Variants in SARDH observed in about 807,000 individuals in gnomAD.
The protein encoded by SARDH is sarcosine dehydrogenase.
In SARDH, 95 loss-of-function variants were observed where a neutral mutation model predicts 109.1. The observed-to-expected ratio is 0.87, with a 90% CI of 0.74 to 1.03. The LOEUF (loss-of-function observed/expected upper bound fraction) is 1.03, where lower values mean the gene tolerates loss of function less well. SARDH is among the 50% of genes least tolerant of loss of function. The probability of loss-of-function intolerance (pLI) is 0.00; values close to 1 mark genes in which losing one functional copy is unlikely to be tolerated. For missense variants in SARDH, 1,267 were observed against 1,287.8 expected (o/e 0.98, Z 0.25); for synonymous variants, 572 against 534.8 (o/e 1.07, Z -0.96).
At chr9:133,685,344 G>A in intron 16 of SARDH, 58 bp from the exon 17 acceptor site, 1 of 1,476,448 alleles carries the variant, frequency 6.8e-7, no homozygotes, top group Non-Finnish European at 9.3e-7. Flanking sequence ...GGCCTGGGCA[G>A]GAAAGGCCCC....
At chr9:133,677,124 G>A (rs1206170871) in intron 17 of SARDH, among the ~76,000 whole-genome samples, 3 of 152,168 alleles carry the variant, frequency 2.0e-5, no homozygotes. Flanking sequence ...GGGCAACAGA[G>A]TGAGACTCCA....
In SARDH at chr9:133,693,018, C is replaced by G. The variant is rs1170935962; in HGVS notation, c.1921+1240G>C. 6.6e-6 allele frequency among the ~76,000 whole-genome samples: 1 copy of G among 152,168 alleles called. No individual in the cohort carries two copies. Among genetic ancestry groups the G allele is most frequent in the African/African-American group, 2.4e-5 (1 of 41,436 alleles). On this transcript the variant is annotated intron_variant, in intron 15 of 20. Transcript: ENST00000439388. This position sits in a 1 kb window ranked among gnomAD's most constrained non-coding sequence, Gnocchi z 5.6. Reference sequence around the variant, plus strand: ...AGGCCCAGGAGCCCCTGCCAGCCCCCAGCCCCGAAGACCCGCTGGGCAGTG... The same window carrying G: ...AGGCCCAGGAGCCCCTGCCAGCCCCGAGCCCCGAAGACCCGCTGGGCAGTG...
At chr9:133,708,236 A>G in intron 11 of SARDH, 51 bp downstream of exon 11, 1 of 1,568,254 alleles carries the variant, frequency 6.4e-7, no homozygotes, top group Non-Finnish European at 8.7e-7. Flanking sequence ...TGCCCTGAGG[A>G]CGTCCCAGAC....
chr9:133,661,352 AC>A (rs1272977667), downstream of SARDH, among the ~76,000 whole-genome samples: 79 of 150,848 alleles, frequency 5.2e-4, no homozygotes, highest in East Asian at 5.8e-3. Context: ...AAAAAAAACA[AC>A]AACAACAAAA....
intron 6 of SARDH, chr9:133,725,597 AC>A (rs1376667734): frequency 2.5e-6 from 1 of 396,520 alleles, no homozygotes; most frequent in Admixed American, 2.8e-5. Flanking sequence ...AATTGCTTGA[AC>A]CCGGGAGGCG....
At chr9:133,726,564 G>T (rs372230098) in intron 6 of SARDH, among the ~76,000 whole-genome samples, 1 of 152,010 alleles carries the variant, frequency 6.6e-6, no homozygotes, top group East Asian at 1.9e-4. Flanking sequence ...CCTGCCCCTT[G>T]CACAGATCCT....
chr9:133,668,156 G>A (rs949103897), intron 19 of SARDH, among the ~76,000 whole-genome samples: 12 of 151,820 alleles, frequency 7.9e-5, no homozygotes. Context: ...TCTGCAAGGG[G>A]CCCCCTCTCC....
chr9:133,691,169 AACACACACACACACACACACACAC>A (rs3081171), intron 15 of SARDH, among the ~76,000 whole-genome samples: 45 of 112,192 alleles, frequency 4.0e-4, no homozygotes, highest in Non-Finnish European at 9.2e-5. Context: ...CACCTCCCCC[AACACACACACACACACACACACAC>A]ACACACACAC....
downstream of SARDH, chr9:133,663,474 T>C: frequency 3.9e-6 from 1 of 253,696 alleles, no homozygotes; most frequent in East Asian, 5.8e-5. Context: ...AGACACAGCC[T>C]CATGCTCTTC....
At position 133,691,983 on chromosome 9, in the gene SARDH, G is replaced by A. The variant is rs1261531453; in HGVS notation, c.1922-1456C>T. 2.0e-5 allele frequency among the ~76,000 whole-genome samples: 3 copies of A among 152,242 alleles called. No homozygotes were observed. In the East Asian group the frequency reaches 5.8e-4, roughly 29 times the overall value. On this transcript the variant is annotated intron_variant, in intron 15 of 20. Transcript: ENST00000439388. ...CTCTAGGAATCCACCAGAATCCTCT[G>A]GAAAGCTAATTGTGCACCACTGGGA...
chr9:133,666,717 C>T lies in SARDH; in HGVS notation c.2631+18G>A, dbSNP rs12235666. ...GGGATCGGCATCTGCCTTAGCAGGG[C>T]CAGAGAAGGGGACTCACCGGCCCAC... On this transcript the variant is annotated intron_variant, in intron 20 of 20. Coordinates refer to ENST00000439388, the MANE Select transcript of SARDH (RefSeq NM_001134707.2). This position sits in a 1 kb window ranked among gnomAD's most constrained non-coding sequence, Gnocchi z 5.2. 4 of 1,577,246 alleles carry T rather than the reference C, an allele frequency of 2.5e-6. No individual in the cohort carries two copies. The East Asian group carries it at 9.3e-5, about 37-fold the overall frequency.
rs182442608 is a variant in SARDH, at chr9:133,718,699, T to G, written c.1020+239A>C. On this transcript the variant is annotated intron_variant, in intron 7 of 20. Coordinates refer to ENST00000439388, the MANE Select transcript of SARDH (RefSeq NM_001134707.2). The surrounding 1 kb of genome is among the most constrained non-coding windows in gnomAD (Gnocchi z 4.2). ...GTCATCACTCCACACTGCGCAGACC[T>G]TCTCTGTGGATGTTTTGAGGCAAAG... is the stretch of plus-strand genomic sequence containing the variant. The G allele has an allele frequency of 4.7e-5, 37 of 779,674 alleles. No homozygotes were observed. In the Admixed American group the frequency reaches 5.6e-4, roughly 12 times the overall value. The allele number at this position is 779,674 out of a possible 1,614,324, so 48.3% of individuals were successfully genotyped here. A position where few individuals can be genotyped will look rare whatever the true frequency, so the allele number is the denominator to read the frequency against.
At chr9:133,713,430 C>G (rs1832005387) in intron 8 of SARDH, among the ~76,000 whole-genome samples, 1 of 152,176 alleles carries the variant, frequency 6.6e-6, no homozygotes, top group Non-Finnish European at 1.5e-5. Context: ...CTTCTCTGAC[C>G]CTGGAGACCA....
chr9:133,704,945 C>G lies in SARDH; in HGVS notation c.1554+3G>C, dbSNP rs1021810478. ...GCAGCACAGCCCAGCAGGCACTACTCACCGGAGCTGGGCCTCGGGGATGAA... is the reference window on the plus strand; with the variant it reads ...GCAGCACAGCCCAGCAGGCACTACTGACCGGAGCTGGGCCTCGGGGATGAA... On this transcript the variant is annotated splice_donor_region_variant and intron_variant, in intron 12 of 20. Coordinates refer to ENST00000439388, the MANE Select transcript of SARDH (RefSeq NM_001134707.2). The surrounding 1 kb of genome is among the most constrained non-coding windows in gnomAD (Gnocchi z 4.5). 1 of 1,572,620 alleles carries G rather than the reference C, an allele frequency of 6.4e-7. No individual in the cohort carries two copies. Among genetic ancestry groups the G allele is most frequent in the Non-Finnish European group, 8.6e-7 (1 of 1,159,430 alleles).
intron 12 of SARDH, 90 bp from the exon 13 acceptor site, chr9:133,703,119 G>T: frequency 8.8e-7 from 1 of 1,136,930 alleles, no homozygotes; most frequent in Middle Eastern, 2.3e-4. Flanking sequence ...GCTGTGATGG[G>T]GTCAGGCCTG....
chr9:133,724,538 T>C (rs1588449430), intron 6 of SARDH, among the ~76,000 whole-genome samples: 1 of 152,280 alleles, frequency 6.6e-6, no homozygotes, highest in East Asian at 1.9e-4. Flanking sequence ...GGAGGGGAGC[T>C]GGAACCCCTC....
At chr9:133,665,468 G>C (rs1005735194) in intron 20 of SARDH, among the ~76,000 whole-genome samples, 2 of 152,214 alleles carry the variant, frequency 1.3e-5, no homozygotes, top group Admixed American at 6.5e-5. Flanking sequence ...GACTCACTCT[G>C]TGCAGTGGCC....
At chr9:133,697,268 C>CA (rs2131399419) in intron 13 of SARDH, among the ~76,000 whole-genome samples, 1 of 152,128 alleles carries the variant, frequency 6.6e-6, no homozygotes, top group East Asian at 1.9e-4. Flanking sequence ...AGAACTAAAA[C>CA]AAAAAAGAGA....
rs1588443535 is a variant in SARDH, at chr9:133,718,886, C to T, written c.1020+52G>A. On this transcript the variant is annotated intron_variant, in intron 7 of 20. Transcript: ENST00000439388. The surrounding 1 kb of genome is among the most constrained non-coding windows in gnomAD (Gnocchi z 4.2). ...CTTCCTGAAAGAGGCCCTCTCCATGCTGAGATGCAGCCCCAACTCCCTCCC... is the reference window on the plus strand; with the variant it reads ...CTTCCTGAAAGAGGCCCTCTCCATGTTGAGATGCAGCCCCAACTCCCTCCC... 10 of 1,387,902 alleles carry T rather than the reference C, an allele frequency of 7.2e-6. No homozygotes were observed. The highest frequency in any genetic ancestry group is 8.2e-6 in the Non-Finnish European group (8 of 974,928). 86.0% of individuals were successfully genotyped at this position (1,387,902 alleles called of 1,614,324 possible).
Sources: gnomAD v4.1 joint callset for allele counts (sites outside exome capture counted in the v4.1 genomes callset) on GRCh38, gnomAD v4.1.1 for gene constraint, Gnocchi (gnomAD v3.1) non-coding constraint, MANE v1.5 for transcripts, NCBI Gene and HGNC (gene_info 2026-07-23, HGNC 2026-07-21) for gene names.